Variants in FAM184B observed in about 807,000 individuals in gnomAD.
The protein encoded by FAM184B is family with sequence similarity 184 member B.
FAM184B carries 111 observed loss-of-function variants against 135.9 expected under a neutral mutation model. The observed-to-expected ratio is 0.82, with a 90% CI of 0.70 to 0.96. The LOEUF is 0.96. Ranked by LOEUF, FAM184B falls within the 40% of genes least tolerant of loss-of-function variation. The pLI is 0.00. For synonymous variants in FAM184B, 552 were observed against 524.8 expected (o/e 1.05, Z -0.71); for missense variants, 1,375 against 1,323.9 (o/e 1.04, Z -0.60).
chr4:17,743,511 C>T (rs934912932), intron 1 of FAM184B, among the ~76,000 whole-genome samples: 3 of 152,230 alleles, frequency 2.0e-5, no homozygotes, highest in African/African-American at 7.2e-5. Flanking sequence ...CACCATCTCT[C>T]ACCAGCCATT....
At chr4:17,756,021 G>A (rs534917082) in intron 1 of FAM184B, among the ~76,000 whole-genome samples, 12 of 152,252 alleles carry the variant, frequency 7.9e-5, no homozygotes, top group African/African-American at 2.9e-4. Flanking sequence ...GTTTACCTGT[G>A]TAACAAACCT....
intron 17 of FAM184B, chr4:17,632,892 G>A: frequency 3.4e-6 from 1 of 295,726 alleles, no homozygotes; most frequent in South Asian, 4.5e-5. Context: ...CTCTAATAAT[G>A]CAGGATTAAC....
chr4:17,749,527 T>C (rs1239207417), intron 1 of FAM184B, among the ~76,000 whole-genome samples: 1 of 152,172 alleles, frequency 6.6e-6, no homozygotes, highest in Non-Finnish European at 1.5e-5. Flanking sequence ...TGGAAACAGA[T>C]CTAAAAATTG....
intron 5 of FAM184B, among the ~76,000 whole-genome samples, chr4:17,693,838 A>G (rs1032441714): frequency 1.3e-5 from 2 of 152,194 alleles, no homozygotes; most frequent in Non-Finnish European, 1.5e-5. Context: ...TTAGCCGGGT[A>G]TGGTGGCTCA....
Position 17,658,517 on chromosome 4 carries a change from T to A in FAM184B, c.1870A>T (p.Arg624Trp), listed in dbSNP as rs745557871. The A allele has an allele frequency of 8.4e-6, 13 of 1,551,488 alleles. No homozygotes were observed. In the South Asian group the frequency reaches 1.5e-4, roughly 18 times the overall value. Residue 624 changes from arginine to tryptophan, a missense_variant, in exon 10 of 18, where the codon AGG becomes TGG. By Grantham distance (101) the Arg-to-Trp change is moderately radical. Coordinates refer to ENST00000265018, the MANE Select transcript of FAM184B (RefSeq NM_015688.2). Reference sequence around the variant, plus strand: ...TGCTTGAGTGCCTGCAGGTCCTCCCTGTAGTTGCTGGTGCACTGCTCCAGA... The same window carrying A: ...TGCTTGAGTGCCTGCAGGTCCTCCCAGTAGTTGCTGGTGCACTGCTCCAGA... ...QALEQCTSNY[R>W]EDLQALKQLS... is the part of the protein sequence containing the mutation.
At chr4:17,652,225 C>T (rs751914824) in intron 11 of FAM184B, among the ~76,000 whole-genome samples, 10 of 145,652 alleles carry the variant, frequency 6.9e-5, no homozygotes, top group Admixed American at 2.2e-4. Context: ...CCCGGGTTCA[C>T]GCCATTCTCC....
intron 1 of FAM184B, among the ~76,000 whole-genome samples, chr4:17,765,401 TATA>T (rs1464399725): frequency 1.9e-4 from 29 of 152,144 alleles, no homozygotes; most frequent in Admixed American, 1.9e-3. Context: ...CAATATTGAT[TATA>T]ATATTGATTA....
chr4:17,690,620 A>G (rs189978682), intron 6 of FAM184B, among the ~76,000 whole-genome samples: 1 of 152,340 alleles, frequency 6.6e-6, no homozygotes, highest in African/African-American at 2.4e-5. Context: ...CAGACTTTCC[A>G]TAAGGAATAT....
chr4:17,753,657 G>A (rs1156529358), intron 1 of FAM184B, among the ~76,000 whole-genome samples: 4 of 152,186 alleles, frequency 2.6e-5, no homozygotes, highest in Admixed American at 2.0e-4. Flanking sequence ...AATGTTTGCT[G>A]AGAGGGCTGT....
intron 1 of FAM184B, among the ~76,000 whole-genome samples, chr4:17,777,158 A>G (rs1264256236): frequency 2.0e-5 from 3 of 152,236 alleles, no homozygotes; most frequent in African/African-American, 7.2e-5. Context: ...TACCCATAGA[A>G]CAGGATAAAT....
chr4:17,771,639 A>G (rs1351610978), intron 1 of FAM184B, among the ~76,000 whole-genome samples: 1 of 152,062 alleles, frequency 6.6e-6, no homozygotes, highest in South Asian at 2.1e-4. Context: ...AGATTTCCAC[A>G]CCTTTAAGCC....
intron 7 of FAM184B, among the ~76,000 whole-genome samples, chr4:17,678,977 C>A (rs559412843): frequency 1.3e-5 from 2 of 151,956 alleles, no homozygotes; most frequent in Non-Finnish European, 2.9e-5. Flanking sequence ...GCAAGCCACA[C>A]GTAGAAGAAT....
chr4:17,652,315 G>A (rs889551860), intron 11 of FAM184B, among the ~76,000 whole-genome samples: 1 of 151,548 alleles, frequency 6.6e-6, no homozygotes, highest in South Asian at 2.1e-4. Flanking sequence ...TAGTAGAGAC[G>A]GGGTTTCACT....
intron 5 of FAM184B, among the ~76,000 whole-genome samples, chr4:17,698,362 A>G (rs1716911892): frequency 6.6e-6 from 1 of 152,174 alleles, no homozygotes. Flanking sequence ...CTTTGTCCAG[A>G]TTGTCTACAA....
intron 1 of FAM184B, among the ~76,000 whole-genome samples, chr4:17,760,077 A>G (rs1227150249): frequency 1.3e-5 from 2 of 152,126 alleles, no homozygotes; most frequent in South Asian, 2.1e-4. Context: ...ATGACATACA[A>G]ATTATCACCT....
At chr4:17,677,004 T>C (rs1716325200) in intron 7 of FAM184B, among the ~76,000 whole-genome samples, 1 of 152,176 alleles carries the variant, frequency 6.6e-6, no homozygotes, top group Admixed American at 6.5e-5. Flanking sequence ...CAACTGTATA[T>C]CACAATTGAA....
At chr4:17,679,453 A>C (rs1433316356) in intron 7 of FAM184B, among the ~76,000 whole-genome samples, 3 of 152,246 alleles carry the variant, frequency 2.0e-5, no homozygotes, top group South Asian at 4.1e-4. Context: ...GGAAATGCAA[A>C]TCAAAACCAC....
At chr4:17,658,984 T>C (rs1006839820) in intron 9 of FAM184B, among the ~76,000 whole-genome samples, 2 of 152,170 alleles carry the variant, frequency 1.3e-5, no homozygotes, top group Admixed American at 6.5e-5. Context: ...GCTCTAGTTT[T>C]CTTTTTCCTG....
chr4:17,666,826 G>A (rs1389062103), intron 7 of FAM184B, among the ~76,000 whole-genome samples: 2 of 151,940 alleles, frequency 1.3e-5, no homozygotes, highest in African/African-American at 4.8e-5. Context: ...CTGATGCCTA[G>A]AACAGTGTGT....
Sources: allele counts gnomAD v4.1 joint callset (sites outside exome capture counted in the v4.1 genomes callset), GRCh38; gene constraint gnomAD v4.1.1; transcripts MANE v1.5; gene names NCBI Gene and HGNC (gene_info 2026-07-23, HGNC 2026-07-21).